Variants in ADGRB1 observed in about 807,000 individuals in gnomAD.
ADGRB1 encodes adhesion G protein-coupled receptor B1.
ADGRB1 carries 36 observed loss-of-function variants against 175.7 expected under a neutral mutation model. The observed-to-expected ratio is 0.20, with a 90% CI of 0.16 to 0.27. The LOEUF is 0.27. Ranked by LOEUF, ADGRB1 falls within the 10% of genes least tolerant of loss-of-function variation. The pLI is 1.00. For missense variants in ADGRB1, 1,731 were observed against 2,255.3 expected (o/e 0.77, Z 4.71); for synonymous variants, 1,054 against 979.4 (o/e 1.08, Z -1.42).
intron 17 of ADGRB1, among the ~76,000 whole-genome samples, chr8:142,500,138 C>A (rs550976712): frequency 2.0e-5 from 3 of 152,018 alleles, no homozygotes; most frequent in Non-Finnish European, 4.4e-5. Flanking sequence ...CCATGGCTGC[C>A]GTCCGGCGCT....
intron 17 of ADGRB1, among the ~76,000 whole-genome samples, chr8:142,509,608 G>A (rs1018409452): frequency 2.6e-5 from 4 of 152,348 alleles, no homozygotes; most frequent in East Asian, 1.9e-4. Flanking sequence ...GCACCTTGCC[G>A]CACTCGTTCC....
At chr8:142,519,783 ATGG>A (rs200958843) in intron 19 of ADGRB1, among the ~76,000 whole-genome samples, 1,579 of 129,440 alleles carry the variant, frequency 0.012, 52 homozygotes, top group East Asian at 0.091. Flanking sequence ...AGTGATGGTG[ATGG>A]TGGTAGTGGT....
intron 1 of ADGRB1, among the ~76,000 whole-genome samples, chr8:142,462,384 A>G (rs545274443): frequency 1.4e-4 from 22 of 152,248 alleles, no homozygotes; most frequent in Admixed American, 1.4e-3. Flanking sequence ...TGGGGTGCCC[A>G]TCCCACTTTA....
chr8:142,475,564 C>G lies in ADGRB1; in HGVS notation c.875C>G (p.Pro292Arg), dbSNP rs746533944. ...QTRTRTCLPA[P>R]GVEGGGCEGV... ...CGGACGCGCACCTGCCTGCCCGCGC[C>G]GGGCGTGGAGGGCGGCGGCTGCGAG... Residue 292 changes from proline (P) to arginine (R), a missense_variant, in exon 3 of 31, where the codon CCG becomes CGG. Pro to Arg is a moderately radical substitution (Grantham distance 103, BLOSUM62 -2). Coordinates refer to ENST00000517894, the MANE Select transcript of ADGRB1 (RefSeq NM_001702.3). The G allele has an allele frequency of 7.5e-5, 96 of 1,274,206 alleles. No individual in the cohort carries two copies. Among genetic ancestry groups the G allele is most frequent in the Non-Finnish European group, 8.8e-5 (89 of 1,010,546 alleles). 78.9% of individuals were successfully genotyped at this position (1,274,206 alleles called of 1,614,324 possible). A position where few individuals can be genotyped will look rare whatever the true frequency, so the allele number is the denominator to read the frequency against.
Position 142,518,691 on chromosome 8 carries a change from T to C in ADGRB1, c.2921+450T>C, listed in dbSNP as rs12674888. Among the ~76,000 whole-genome samples, 218 of 152,288 alleles carry C rather than the reference T, an allele frequency of 1.4e-3. 3 individuals carry two copies. In the East Asian group the frequency reaches 0.038, roughly 27 times the overall value. ...TCCATTCTGATTGTGGCCAGTGGGTTTTTGGGGCCACCCAGGCAGGTGTGG... is the reference window on the plus strand; with the variant it reads ...TCCATTCTGATTGTGGCCAGTGGGTCTTTGGGGCCACCCAGGCAGGTGTGG... On this transcript the variant is annotated intron_variant, in intron 19 of 30. Coordinates refer to ENST00000517894, the MANE Select transcript of ADGRB1 (RefSeq NM_001702.3).
At chr8:142,469,270 C>T (rs554637738) in intron 2 of ADGRB1, among the ~76,000 whole-genome samples, 12 of 144,914 alleles carry the variant, frequency 8.3e-5, no homozygotes, top group South Asian at 2.2e-4. Context: ...TGTGTGTGCA[C>T]GTGCAGGTGA....
chr8:142,544,102 T>A, intron 30 of ADGRB1, 118 bp from the exon 31 acceptor site: 1 of 1,107,056 alleles, frequency 9.0e-7, no homozygotes, highest in Non-Finnish European at 1.3e-6. Flanking sequence ...CCCTGTCCCC[T>A]GTCCCCCACC....
intron 17 of ADGRB1, among the ~76,000 whole-genome samples, chr8:142,507,566 C>T (rs62513295): frequency 0.12 from 17,830 of 152,252 alleles, 1,428 homozygotes; most frequent in Non-Finnish European, 0.17. Flanking sequence ...ACAGCAGGAG[C>T]CCTGGGGGCC....
Position 142,530,078 on chromosome 8 carries a change from CTG to C in ADGRB1, c.3399-3210_3399-3209del, listed in dbSNP as rs141929598. 8.8e-4 allele frequency among the ~76,000 whole-genome samples: 133 copies of C among 151,796 alleles called. 1 individual carries two copies. In the East Asian group the frequency reaches 0.017, roughly 19 times the overall value. ...GGTGTATATACATGTGAGTGTGCAT[CTG>C]TGTGTGAGTGCAACTTGATATTTTG... On this transcript the variant is annotated intron_variant, in intron 24 of 30. Coordinates refer to ENST00000517894, the MANE Select transcript of ADGRB1 (RefSeq NM_001702.3).
chr8:142,535,401 C>T (rs951999914), intron 25 of ADGRB1, among the ~76,000 whole-genome samples: 2 of 152,190 alleles, frequency 1.3e-5, no homozygotes, highest in Non-Finnish European at 2.9e-5. Context: ...CAGACTTCCC[C>T]GAAGCCCCCA....
chr8:142,488,984 AC>A, intron 14 of ADGRB1, 50 bp from the exon 15 acceptor site: 3 of 1,587,896 alleles, frequency 1.9e-6, no homozygotes, highest in Non-Finnish European at 2.6e-6. Context: ...GCCAAGTCCC[AC>A]CCTGGCTGTG....
intron 23 of ADGRB1, 120 bp from the exon 24 acceptor site, chr8:142,526,422 G>A: frequency 3.4e-6 from 3 of 871,554 alleles, no homozygotes; most frequent in Non-Finnish European, 5.6e-6. Flanking sequence ...AGGCACGGGA[G>A]GTGACCCTGG....
In ADGRB1 at chr8:142,511,933, A is replaced by G. The variant is rs887438978; in HGVS notation, c.2817+860A>G. On this transcript the variant is annotated intron_variant, in intron 18 of 30. Coordinates refer to ENST00000517894, the MANE Select transcript of ADGRB1 (RefSeq NM_001702.3). This position sits in a 1 kb window ranked among gnomAD's most constrained non-coding sequence, Gnocchi z 4.5. ...GGGGTGGAGGATGCACTTGGAGGGG[A>G]CCTGTCCTTCCTGGGTGTTGGAGGT... 3.3e-5 allele frequency among the ~76,000 whole-genome samples: 5 copies of G among 152,128 alleles called. No homozygotes were observed. Among genetic ancestry groups the G allele is most frequent in the African/African-American group, 7.2e-5 (3 of 41,422 alleles).
In ADGRB1 at chr8:142,464,306, G is replaced by A. The variant is rs1563678930; in HGVS notation, c.108G>A (p.Ala36=). 1 of 1,403,810 alleles carries A rather than the reference G, an allele frequency of 7.1e-7. No homozygotes were observed. The highest frequency in any genetic ancestry group is 9.2e-7 in the Non-Finnish European group (1 of 1,087,250). The allele number at this position is 1,403,810 out of a possible 1,614,324, so 87.0% of individuals were successfully genotyped here. A position where few individuals can be genotyped will look rare whatever the true frequency, so the allele number is the denominator to read the frequency against. Residue 36 remains alanine, a synonymous_variant, in exon 2 of 31, where the codon GCG becomes GCA. Coordinates refer to ENST00000517894, the MANE Select transcript of ADGRB1 (RefSeq NM_001702.3). ...CGCGGGCGGCCGCCGGAGCAGACGC[G>A]GGGCCCGGGCCCGAGCCGTGCGCCA... is the stretch of plus-strand genomic sequence containing the variant. ...RRARAAAGAD[A]GPGPEPCATL...
Position 142,481,522 on chromosome 8 carries a change from G to T in ADGRB1, c.1941G>T (p.Arg647=). 6.3e-7 allele frequency: 1 copy of T among 1,579,666 alleles called. No homozygotes were observed. The change falls in exon 11 of 31, where the codon CGG becomes CGT. Residue 647 remains arginine, a synonymous_variant. Transcript: ENST00000517894. ...GCCCTCTCTGTCTTCCGCAGACCCG[G>T]GAGCACCTGGCCAAGGCTCAGCGAG... ...IDYRNIQMMT[R]EHLAKAQRGL... is the part of the protein sequence containing the mutation.
rs116259513 is a variant in ADGRB1 at position 142,469,133 on chromosome 8, G to A, written c.784+4151G>A. 2.1e-3 allele frequency among the ~76,000 whole-genome samples: 293 copies of A among 141,922 alleles called. 4 individuals carry two copies. The highest frequency in any genetic ancestry group is 7.6e-3 in the African/African-American group (283 of 37,284). 93.1% of individuals were successfully genotyped at this position (141,922 alleles called of 152,430 possible). ...GTGAGCTCTGCTCAGAGCTGTGCGTGTGTGCATGTGTGTGCATGCGTGCAT... is the reference window on the plus strand; with the variant it reads ...GTGAGCTCTGCTCAGAGCTGTGCGTATGTGCATGTGTGTGCATGCGTGCAT... On this transcript the variant is annotated intron_variant, in intron 2 of 30. Coordinates refer to ENST00000517894, the MANE Select transcript of ADGRB1 (RefSeq NM_001702.3).
chr8:142,506,747 C>T (rs572221792), intron 17 of ADGRB1, among the ~76,000 whole-genome samples: 1 of 152,266 alleles, frequency 6.6e-6, no homozygotes, highest in East Asian at 1.9e-4. Flanking sequence ...AGAGGGAGGT[C>T]TGAGGCTTTG....
intron 23 of ADGRB1, 112 bp downstream of exon 23, chr8:142,524,416 GATGGCCCTC>G (rs1248515618): frequency 4.1e-5 from 50 of 1,230,540 alleles, no homozygotes; most frequent in Admixed American, 1.6e-4. Context: ...GTCCCTTCAG[GATGGCCCTC>G]ATGGCCCTCA....
In ADGRB1 at chr8:142,518,211, T is replaced by C. The variant is rs760527241; in HGVS notation, c.2891T>C (p.Met964Thr). ...GGCGTGTCCTCTCTCACCCTGCTCA[T>C]GCTGGTCATCATCTACGTGTCCGTG... ...GCGVSSLTLL[M>T]LVIIYVSVWR... Residue 964 changes from methionine to threonine, a missense_variant, in exon 19 of 31, where the codon ATG becomes ACG. This residue lies in a region of ADGRB1 where 301 missense variants were observed against 488.4 expected (regional missense o/e 0.62). Transcript: ENST00000517894. 2 of 1,613,802 alleles carry C rather than the reference T, an allele frequency of 1.2e-6. No individual in the cohort carries two copies. Among genetic ancestry groups the C allele is most frequent in the Admixed American group, 1.7e-5 (1 of 60,008 alleles).
Sources: gnomAD v4.1 joint callset for allele counts (sites outside exome capture counted in the v4.1 genomes callset) on GRCh38, gnomAD v4.1.1 for gene constraint, gnomAD v4.1.1 regional missense constraint, Gnocchi (gnomAD v3.1) non-coding constraint, MANE v1.5 for transcripts, NCBI Gene and HGNC (gene_info 2026-07-23, HGNC 2026-07-21) for gene names.